The following FAT3 variants were observed in gnomAD, a reference collection of about 807,000 sequenced individuals.
FAT3 encodes protocadherin Fat 3.
FAT3 carries 95 observed loss-of-function variants against 310.2 expected under a neutral mutation model. The observed-to-expected ratio is 0.31, with a 90% CI of 0.26 to 0.36. The LOEUF (loss-of-function observed/expected upper bound fraction) is 0.36, where lower values mean the gene tolerates loss of function less well. Ranked by LOEUF, FAT3 falls within the 10% of genes least tolerant of loss-of-function variation. FAT3 has a pLI of 1.00. For synonymous variants in FAT3, 2,314 were observed against 2,192.9 expected, an observed-to-expected ratio of 1.06 and a Z score of -1.54; for missense variants, 5,408 against 5,715.6, an observed-to-expected ratio of 0.95 and a Z score of 1.74.
chr11:92,361,790 A>G, intron 2 of FAT3, among the ~76,000 whole-genome samples: 1 of 152,266 alleles, frequency 6.6e-6, no homozygotes, highest in East Asian at 1.9e-4. Flanking sequence ...CAGCTCTCAC[A>G]ATTGTCTTCA....
chr11:92,336,250 C>G lies in FAT3; in HGVS notation c.-17-15846C>G, dbSNP rs1948075934. On this transcript the variant is annotated intron_variant, in intron 1 of 27. Transcript: ENST00000525166. Reference sequence around the variant, plus strand: ...AAGACAACTCACATGTTCCAGATGTCCAAAATGGGGTCCTTGTCATAGCAA... The same window carrying G: ...AAGACAACTCACATGTTCCAGATGTGCAAAATGGGGTCCTTGTCATAGCAA... 7 of 556,462 alleles carry G rather than the reference C, an allele frequency of 1.3e-5. No homozygotes were observed. The Admixed American group carries it at 1.4e-4, about 11-fold the overall frequency. The allele number at this position is 556,462 out of a possible 1,614,324, so 34.5% of individuals were successfully genotyped here.
intron 3 of FAT3, among the ~76,000 whole-genome samples, chr11:92,654,968 G>A (rs1173603134): frequency 1.8e-5 from 2 of 109,474 alleles, no homozygotes; most frequent in African/African-American, 7.4e-5. Context: ...ATTCCCTCCT[G>A]TAAGTTCCTA....
At chr11:92,373,682 C>T (rs11019938) in intron 2 of FAT3, among the ~76,000 whole-genome samples, 54,161 of 151,108 alleles carry the variant, frequency 0.36, 14,132 homozygotes, top group African/African-American at 0.74. Flanking sequence ...GTGATCCAAA[C>T]AGGCAAAAAT....
intron 2 of FAT3, among the ~76,000 whole-genome samples, chr11:92,410,610 T>G (rs145100316): frequency 6.6e-6 from 1 of 151,986 alleles, no homozygotes; most frequent in African/African-American, 2.4e-5. Context: ...GTTGTGTCCT[T>G]TTTTTTTGCT....
intron 19 of FAT3, among the ~76,000 whole-genome samples, chr11:92,845,831 G>A (rs1381357445): frequency 6.6e-6 from 1 of 152,116 alleles, no homozygotes; most frequent in Non-Finnish European, 1.5e-5. Flanking sequence ...TTGCAGTTTG[G>A]AGAATGAGCT....
intron 2 of FAT3, among the ~76,000 whole-genome samples, chr11:92,501,922 T>C (rs617656): frequency 0.54 from 82,327 of 151,698 alleles, 22,816 homozygotes; most frequent in African/African-American, 0.66. Context: ...ATGCCATGCT[T>C]ATGAACTCGA....
At chr11:92,419,784 A>AG in intron 2 of FAT3, among the ~76,000 whole-genome samples, 1 of 152,172 alleles carries the variant, frequency 6.6e-6, no homozygotes, top group Non-Finnish European at 1.5e-5. Context: ...ATCAGGATCT[A>AG]GTGAGTCGAT....
intron 3 of FAT3, among the ~76,000 whole-genome samples, chr11:92,567,614 T>A (rs539845515): frequency 6.6e-6 from 1 of 151,786 alleles, no homozygotes; most frequent in South Asian, 2.1e-4. Flanking sequence ...CTATTCACAA[T>A]AGCAAAGACT....
intron 17 of FAT3, among the ~76,000 whole-genome samples, chr11:92,840,330 G>T (rs1948506014): frequency 6.6e-6 from 1 of 152,182 alleles, no homozygotes. Flanking sequence ...TTGTCCCATA[G>T]GTGGTTGTGG....
At chr11:92,546,288 G>C (rs894170965) in intron 3 of FAT3, among the ~76,000 whole-genome samples, 11 of 152,202 alleles carry the variant, frequency 7.2e-5, no homozygotes, top group African/African-American at 2.7e-4. Context: ...TTCTGTCATT[G>C]TAATTTAAAT....
chr11:92,473,366 C>T (rs775232209), intron 2 of FAT3, among the ~76,000 whole-genome samples: 20 of 150,040 alleles, frequency 1.3e-4, no homozygotes, highest in Non-Finnish European at 2.5e-4. Flanking sequence ...GATATCAAAT[C>T]CATCAGCCAC....
At chr11:92,790,686 T>C (rs1279349219) in intron 8 of FAT3, among the ~76,000 whole-genome samples, 1 of 152,174 alleles carries the variant, frequency 6.6e-6, no homozygotes, top group Admixed American at 6.5e-5. Flanking sequence ...TAGTAGTAAA[T>C]ACTGGCACAC....
At position 92,840,733 on chromosome 11, in the gene FAT3, T is replaced by A. The variant is rs1948518844; in HGVS notation, c.10540T>A (p.Ser3514Thr). The change falls in exon 18 of 28, where the codon TCT becomes ACT. Residue 3514 changes from serine to threonine, a missense_variant. By Grantham distance (58) the Ser-to-Thr change is moderately conservative. Transcript: ENST00000525166. ...GGCTGTGGTCTTCCAGCACACAGAG[T>A]CTCTGGAATACGTGTTGTGTGTCCA... The part of the protein sequence containing the change: ...RSAVVFQHTE[S>T]LEYVLCVQAK... 3 of 1,599,868 alleles carry A rather than the reference T, an allele frequency of 1.9e-6. No homozygotes were observed. The highest frequency in any genetic ancestry group is 1.7e-5 in the Admixed American group (1 of 59,782).
At chr11:92,749,307 G>C (rs113790260) in intron 4 of FAT3, among the ~76,000 whole-genome samples, 6 of 151,108 alleles carry the variant, frequency 4.0e-5, no homozygotes, top group Non-Finnish European at 8.9e-5. Flanking sequence ...CACACACACA[G>C]ATACACACAC....
At chr11:92,773,896 G>A in intron 6 of FAT3, 145 bp from the exon 7 acceptor site, 1 of 683,170 alleles carries the variant, frequency 1.5e-6, no homozygotes, top group Non-Finnish European at 2.4e-6. Flanking sequence ...AAATAAAGAG[G>A]TCCCATTTAA....
chr11:92,354,272 A>G lies in FAT3; in HGVS notation c.2160A>G (p.Arg720=). 2 of 1,613,742 alleles carry G rather than the reference A, an allele frequency of 1.2e-6. No homozygotes were observed. Among genetic ancestry groups the G allele is most frequent in the South Asian group, 2.2e-5 (2 of 91,088 alleles). ...DGFLDFYSIN[R]QGPYFDKSFP... ...TTCTTGACTTTTATTCAATTAATAG[A>G]CAGGGACCATATTTTGACAAGTCTT... Residue 720 remains arginine (R), a synonymous_variant, in exon 2 of 28, where the codon AGA becomes AGG. Coordinates refer to ENST00000525166, the MANE Select transcript of FAT3 (RefSeq NM_001367949.2).
intron 3 of FAT3, among the ~76,000 whole-genome samples, chr11:92,564,557 T>G (rs988473790): frequency 2.0e-5 from 3 of 151,886 alleles, no homozygotes; most frequent in African/African-American, 7.3e-5. Flanking sequence ...TCTGCAGAAC[T>G]CTCCACCCCA....
Position 92,224,998 on chromosome 11 carries a change from G to C in FAT3, c.-194G>C, listed in dbSNP as rs1391961994. Among the ~76,000 whole-genome samples the C allele has an allele frequency of 6.6e-6, 1 of 152,062 alleles. No individual in the cohort carries two copies. Among genetic ancestry groups the C allele is most frequent in the Non-Finnish European group, 1.5e-5 (1 of 68,004 alleles). ...CGAACCCCCGGCGGCGGCGGCGGCG[G>C]CGTCCCGAGCGCAGAGCGCTTCTGC... On this transcript the variant is annotated 5_prime_UTR_variant, in exon 1 of 28. Transcript: ENST00000525166.
chr11:92,331,171 A>G (rs908561778), intron 1 of FAT3, among the ~76,000 whole-genome samples: 4 of 152,142 alleles, frequency 2.6e-5, no homozygotes, highest in African/African-American at 9.7e-5. Context: ...TATCTTTAAG[A>G]TGTGGTAGAT....
Sources: gnomAD v4.1 joint callset for allele counts (sites outside exome capture counted in the v4.1 genomes callset) on GRCh38, gnomAD v4.1.1 for gene constraint, MANE v1.5 for transcripts, NCBI Gene and HGNC (gene_info 2026-07-23, HGNC 2026-07-21) for gene names.